UHRF2: variants seen among roughly 807,000 people sequenced by gnomAD.
UHRF2 encodes the protein ubiquitin like with PHD and ring finger domains 2, also known as E3 ubiquitin-protein ligase UHRF2.
A neutral mutation model predicts 96.8 loss-of-function variants in UHRF2; 23 were observed. The observed-to-expected ratio is 0.24, with a 90% CI of 0.17 to 0.34. UHRF2 has a LOEUF of 0.34. Ranked by LOEUF, UHRF2 falls within the 10% of genes least tolerant of loss-of-function variation. The pLI is 1.00. For synonymous variants in UHRF2, 385 were observed against 332.6 expected (o/e 1.16, Z -1.72); for missense variants, 685 against 981.5 (o/e 0.70, Z 4.04).
At chr9:6,485,821 A>C (rs1031414520) in intron 8 of UHRF2, among the ~76,000 whole-genome samples, 2 of 150,674 alleles carry the variant, frequency 1.3e-5, no homozygotes, top group African/African-American at 4.9e-5. Flanking sequence ...AAAAAAAAAA[A>C]AAAAAAACAA....
At chr9:6,422,982 G>A (rs1054687304) in intron 2 of UHRF2, 4 of 253,956 alleles carry the variant, frequency 1.6e-5, no homozygotes, top group East Asian at 7.1e-5. Context: ...AGAAATAATC[G>A]AATGGCAGTT....
intron 4 of UHRF2, among the ~76,000 whole-genome samples, chr9:6,461,062 A>T (rs964949357): frequency 3.3e-5 from 5 of 152,302 alleles, no homozygotes; most frequent in African/African-American, 1.2e-4. Flanking sequence ...TCCTCATAGG[A>T]TTCTTATAGA....
chr9:6,445,118 C>A (rs1821408880), intron 3 of UHRF2, among the ~76,000 whole-genome samples: 1 of 118,160 alleles, frequency 8.5e-6, no homozygotes, highest in Non-Finnish European at 1.8e-5. Context: ...TAGCAAAACC[C>A]TATCTCTTAT....
At chr9:6,453,760 C>T (rs146001831) in intron 3 of UHRF2, among the ~76,000 whole-genome samples, 36 of 152,114 alleles carry the variant, frequency 2.4e-4, no homozygotes, top group African/African-American at 8.7e-4. Flanking sequence ...AAAAAACCAA[C>T]CAGGAGTGGT....
Position 6,413,661 on chromosome 9 carries a change from C to T in UHRF2, c.153+18C>T. On this transcript the variant is annotated intron_variant, in intron 1 of 15. Transcript: ENST00000276893. Reference sequence around the variant, plus strand: ...GCAAGCAGGTGAGGCGCGCCCGCCGCGCCCCTAGCGAGGCTGGGGGCCGGA... The same window carrying T: ...GCAAGCAGGTGAGGCGCGCCCGCCGTGCCCCTAGCGAGGCTGGGGGCCGGA... 1 of 1,556,144 alleles carries T rather than the reference C, an allele frequency of 6.4e-7. No individual in the cohort carries two copies. Among genetic ancestry groups the T allele is most frequent in the Non-Finnish European group, 8.7e-7 (1 of 1,154,446 alleles).
rs1823961458 is a variant in UHRF2 at position 6,482,095 on chromosome 9, T to A, written c.1388T>A (p.Val463Asp). Residue 463 changes from valine (V) to aspartate (D), a missense_variant, in exon 8 of 16, where the codon GTT becomes GAT. By Grantham distance (152) the Val-to-Asp change is radical (BLOSUM62 -3). Transcript: ENST00000276893. ...IPVGSTWRFRVQVSEAGVHRP... is the reference protein window; with the variant it reads ...IPVGSTWRFRDQVSEAGVHRP... ...GTTGGATCAACTTGGAGATTTAGAG[T>A]TCAGGTATGTTTTAACTTGGGCTTA... 1 of 1,613,444 alleles carries A rather than the reference T, an allele frequency of 6.2e-7. No homozygotes were observed.
chr9:6,474,265 A>G (rs1293436247), intron 4 of UHRF2, among the ~76,000 whole-genome samples: 1 of 152,228 alleles, frequency 6.6e-6, no homozygotes, highest in Non-Finnish European at 1.5e-5. Flanking sequence ...TTTTAAAGAA[A>G]AGGTGGAAGG....
At chr9:6,456,799 C>G (rs1375875160) in intron 3 of UHRF2, among the ~76,000 whole-genome samples, 1 of 152,092 alleles carries the variant, frequency 6.6e-6, no homozygotes, top group Non-Finnish European at 1.5e-5. Context: ...AATCCTTTCC[C>G]CATTTCTTGT....
chr9:6,493,790 T>A, intron 9 of UHRF2, 36 bp from the exon 10 acceptor site: 2 of 1,557,806 alleles, frequency 1.3e-6, no homozygotes, highest in Admixed American at 3.5e-5. Flanking sequence ...TATACTTGGG[T>A]TTAGCTTTCT....
At chr9:6,484,221 A>G (rs1017769906) in intron 8 of UHRF2, among the ~76,000 whole-genome samples, 5 of 151,662 alleles carry the variant, frequency 3.3e-5, no homozygotes, top group African/African-American at 4.8e-5. Flanking sequence ...GTATACCACC[A>G]TGCCTGGCTG....
At chr9:6,487,955 A>G (rs1409342853) in intron 9 of UHRF2, among the ~76,000 whole-genome samples, 1 of 152,096 alleles carries the variant, frequency 6.6e-6, no homozygotes, top group Non-Finnish European at 1.5e-5. Flanking sequence ...GAAACAATAC[A>G]GAGGGCCGAA....
At chr9:6,486,425 C>T (rs1824293123) in intron 8 of UHRF2, among the ~76,000 whole-genome samples, 1 of 152,184 alleles carries the variant, frequency 6.6e-6, no homozygotes, top group Admixed American at 6.5e-5. Flanking sequence ...AGGTAGGCAA[C>T]AGGGCCACTA....
intron 3 of UHRF2, among the ~76,000 whole-genome samples, chr9:6,443,026 T>C (rs1381995847): frequency 6.6e-6 from 1 of 152,216 alleles, no homozygotes; most frequent in African/African-American, 2.4e-5. Flanking sequence ...GTTATAACTT[T>C]TAGCTGATTT....
chr9:6,498,330 AGAT>A, intron 12 of UHRF2, 172 bp downstream of exon 12: 1 of 697,362 alleles, frequency 1.4e-6, no homozygotes, highest in South Asian at 3.5e-5. Flanking sequence ...GTAGTATCCT[AGAT>A]GTCAGACTGC....
At chr9:6,461,331 C>G (rs1338512307) in intron 4 of UHRF2, among the ~76,000 whole-genome samples, 1 of 136,336 alleles carries the variant, frequency 7.3e-6, no homozygotes, top group African/African-American at 2.8e-5. Context: ...TTCTGTCTCT[C>G]TCCCTCCCTC....
chr9:6,498,226 T>G, intron 12 of UHRF2, 68 bp downstream of exon 12: 2 of 1,521,536 alleles, frequency 1.3e-6, no homozygotes, highest in Non-Finnish European at 1.8e-6. Flanking sequence ...TCTACATGCC[T>G]TAACACTGGA....
intron 8 of UHRF2, among the ~76,000 whole-genome samples, chr9:6,483,852 A>G (rs1824080788): frequency 1.3e-5 from 2 of 151,786 alleles, no homozygotes. Context: ...ACCACGCCTG[A>G]CTAATTTTGT....
intron 4 of UHRF2, among the ~76,000 whole-genome samples, chr9:6,465,198 G>A (rs562840122): frequency 1.3e-5 from 2 of 152,250 alleles, no homozygotes; most frequent in Admixed American, 1.3e-4. Context: ...GTTTGATATA[G>A]GAATTTTGTA....
chr9:6,440,029 TC>T (rs1821073729), intron 3 of UHRF2, among the ~76,000 whole-genome samples: 1 of 152,220 alleles, frequency 6.6e-6, no homozygotes, highest in East Asian at 1.9e-4. Context: ...TCCTCAATGT[TC>T]TGTATTCCCA....
Sources: gnomAD v4.1 joint callset for allele counts (sites outside exome capture counted in the v4.1 genomes callset) on GRCh38, gnomAD v4.1.1 for gene constraint, MANE v1.5 for transcripts, NCBI Gene and HGNC (gene_info 2026-07-23, HGNC 2026-07-21) for gene names.